Variants in SCUBE1 observed in about 807,000 individuals in gnomAD.
SCUBE1 encodes the protein signal peptide, CUB and EGF-like domain-containing protein 1.
A neutral mutation model predicts 124.4 loss-of-function variants in SCUBE1; 59 were observed. The ratio of observed to expected loss-of-function variants is 0.47; its 90% CI spans 0.38 to 0.59. SCUBE1 has a LOEUF of 0.59. SCUBE1 is among the 20% of genes least tolerant of loss of function. SCUBE1 has a pLI of 0.00. For synonymous variants in SCUBE1, 545 were observed against 550.9 expected (o/e 0.99, Z 0.15); for missense variants, 1,150 against 1,371.2 (o/e 0.84, Z 2.55).
At chr22:43,248,384 T>C (rs1009414786) in intron 6 of SCUBE1, among the ~76,000 whole-genome samples, 1 of 152,168 alleles carries the variant, frequency 6.6e-6, no homozygotes, top group African/African-American at 2.4e-5. Context: ...CCCTCGTCTT[T>C]TCTCTACTAA....
At position 43,211,303 on chromosome 22, in the gene SCUBE1, G is replaced by A. The variant is rs926227567; in HGVS notation, c.2222-220C>T. ...CACATGGCAGATTGATGTGATGTTGGCTCCAGCAAAACAGGGACCACACAG... is the reference window on the plus strand; with the variant it reads ...CACATGGCAGATTGATGTGATGTTGACTCCAGCAAAACAGGGACCACACAG... On this transcript the variant is annotated intron_variant, in intron 17 of 21. Transcript: ENST00000360835. This position sits in a 1 kb window ranked among gnomAD's most constrained non-coding sequence, Gnocchi z 4.5. Among the ~76,000 whole-genome samples, 2 of 152,288 alleles carry A rather than the reference G, an allele frequency of 1.3e-5. No homozygotes were observed. Among genetic ancestry groups the A allele is most frequent in the Non-Finnish European group, 2.9e-5 (2 of 68,024 alleles).
In SCUBE1 at chr22:43,255,893, C is replaced by A. The variant is rs548771727; in HGVS notation, c.727+2326G>T. Among the ~76,000 whole-genome samples the A allele has an allele frequency of 6.6e-6, 1 of 152,112 alleles. No individual in the cohort carries two copies. The highest frequency in any genetic ancestry group is 1.5e-5 in the Non-Finnish European group (1 of 68,020). ...AGAAGGAGGCTGAGGTCAGGGCAGA[C>A]GGGATTCGTCCGCAGAGAGCCACAG... On this transcript the variant is annotated intron_variant, in intron 6 of 21. Transcript: ENST00000360835. The surrounding 1 kb of genome is among the most constrained non-coding windows in gnomAD (Gnocchi z 4.7).
intron 7 of SCUBE1, among the ~76,000 whole-genome samples, chr22:43,235,283 C>T (rs945932363): frequency 3.3e-5 from 5 of 151,888 alleles, no homozygotes; most frequent in African/African-American, 9.7e-5. Context: ...GGGGGCAGGG[C>T]GATGGGGTGA....
rs764347638 is a variant in SCUBE1 at position 43,221,224 on chromosome 22, G to A, written c.1498C>T (p.Arg500Trp). The A allele has an allele frequency of 9.9e-6, 16 of 1,611,804 alleles. No homozygotes were observed. Among genetic ancestry groups the A allele is most frequent in the Middle Eastern group, 3.3e-4 (2 of 6,056 alleles). The change falls in exon 13 of 22, where the codon CGG becomes TGG. Residue 500 changes from arginine to tryptophan, a missense_variant. Physicochemically the swap from Arg to Trp is moderately radical, Grantham distance 101. This residue lies in a region of SCUBE1 where 757 missense variants were observed against 840.9 expected (regional missense o/e 0.90). Transcript: ENST00000360835. ...FKIRDAKCHLRPHSQARAKET... is the reference protein window; with the variant it reads ...FKIRDAKCHLWPHSQARAKET... ...TTTGCTCGTGCCTGGCTGTGGGGCC[G>A]GAGGTGGCACTTGGCATCTCGGATC...
intron 1 of SCUBE1, among the ~76,000 whole-genome samples, chr22:43,342,881 G>A (rs1927373137): frequency 6.6e-6 from 1 of 151,686 alleles, no homozygotes; most frequent in Admixed American, 6.6e-5. Context: ...TCCGCACGCG[G>A]GGTCCCCGGG....
intron 4 of SCUBE1, among the ~76,000 whole-genome samples, chr22:43,277,028 G>C (rs79223781): frequency 2.0e-5 from 3 of 152,152 alleles, no homozygotes; most frequent in African/African-American, 7.2e-5. Flanking sequence ...AGAAAGGCCC[G>C]GGAGCAGAGA....
At position 43,256,000 on chromosome 22, in the gene SCUBE1, A is replaced by C. The variant is rs1358657608; in HGVS notation, c.727+2219T>G. ...TGGCTCAGGCTGGAGAGGCAGGCAC[A>C]GGACAAGGCACAGGACAAGGGGACA... On this transcript the variant is annotated intron_variant, in intron 6 of 21. Coordinates refer to ENST00000360835, the MANE Select transcript of SCUBE1 (RefSeq NM_173050.5). The surrounding 1 kb of genome is among the most constrained non-coding windows in gnomAD (Gnocchi z 4.7). Among the ~76,000 whole-genome samples, 5 of 152,186 alleles carry C rather than the reference A, an allele frequency of 3.3e-5. No individual in the cohort carries two copies. Among genetic ancestry groups the C allele is most frequent in the Non-Finnish European group, 7.3e-5 (5 of 68,034 alleles).
chr22:43,228,106 G>A, intron 9 of SCUBE1, among the ~76,000 whole-genome samples: 1 of 152,200 alleles, frequency 6.6e-6, no homozygotes, highest in East Asian at 1.9e-4. Context: ...CCAAGCACCA[G>A]CTATGTCCTG....
At chr22:43,253,258 G>A (rs547602071) in intron 6 of SCUBE1, among the ~76,000 whole-genome samples, 4 of 152,210 alleles carry the variant, frequency 2.6e-5, no homozygotes, top group Admixed American at 6.5e-5. Flanking sequence ...TACCCCACAG[G>A]CTGTTCTTAG....
chr22:43,280,016 A>C (rs1364193098), intron 4 of SCUBE1, among the ~76,000 whole-genome samples: 1 of 152,214 alleles, frequency 6.6e-6, no homozygotes, highest in Non-Finnish European at 1.5e-5. Context: ...AAGTCCCTGC[A>C]ATTGATTACA....
At chr22:43,217,504 T>G (rs1282291797) in intron 15 of SCUBE1, among the ~76,000 whole-genome samples, 1 of 152,060 alleles carries the variant, frequency 6.6e-6, no homozygotes, top group Admixed American at 6.5e-5. Context: ...CTCCCCGTCC[T>G]TGCTCCGCCC....
chr22:43,250,985 G>A (rs1569506938), intron 6 of SCUBE1, among the ~76,000 whole-genome samples: 1 of 152,260 alleles, frequency 6.6e-6, no homozygotes, highest in Non-Finnish European at 1.5e-5. Flanking sequence ...CACTGGCTAT[G>A]TGGCCTCCCT....
intron 4 of SCUBE1, among the ~76,000 whole-genome samples, chr22:43,290,551 C>T (rs949807835): frequency 1.3e-5 from 2 of 152,390 alleles, no homozygotes; most frequent in East Asian, 3.9e-4. Flanking sequence ...CCCAGGCTGG[C>T]CTGCCACACT....
rs1348127741 is a variant in SCUBE1 at position 43,232,025 on chromosome 22, G to A, written c.845-150C>T. The A allele has an allele frequency of 9.4e-6, 8 of 849,678 alleles. No homozygotes were observed. In the Admixed American group the frequency reaches 1.1e-4, roughly 11 times the overall value. 52.6% of individuals were successfully genotyped at this position (849,678 alleles called of 1,614,324 possible). A position where few individuals can be genotyped will look rare whatever the true frequency, so the allele number is the denominator to read the frequency against. On this transcript the variant is annotated intron_variant, in intron 7 of 21. Transcript: ENST00000360835. The stretch of plus-strand genomic sequence containing the variant: ...AGCTGGCTGCTGGCTCCCCAGCTGT[G>A]CAGAGGGGTGGGGGCCCTGTCTCGC...
At chr22:43,260,373 C>T (rs1306358126) in intron 5 of SCUBE1, among the ~76,000 whole-genome samples, 2 of 152,170 alleles carry the variant, frequency 1.3e-5, no homozygotes, top group African/African-American at 2.4e-5. Context: ...TCTGGTGAGA[C>T]GGATAGAAGG....
intron 7 of SCUBE1, 162 bp downstream of exon 7, chr22:43,238,675 TC>T: frequency 1.4e-6 from 1 of 711,214 alleles, no homozygotes; most frequent in Non-Finnish European, 2.6e-6. Context: ...CCCTCCCTCT[TC>T]CTGGCCTCTC....
At chr22:43,320,132 G>A in intron 2 of SCUBE1, 67 bp from the exon 3 acceptor site, 1 of 1,591,892 alleles carries the variant, frequency 6.3e-7, no homozygotes, top group Non-Finnish European at 8.6e-7. Context: ...CAACACCATG[G>A]AAGCCACCGG....
intron 4 of SCUBE1, among the ~76,000 whole-genome samples, chr22:43,288,084 T>C (rs1483430893): frequency 6.6e-6 from 1 of 152,174 alleles, no homozygotes; most frequent in Non-Finnish European, 1.5e-5. Flanking sequence ...ACTGATTTCA[T>C]TGCCCAGATC....
chr22:43,294,207 C>T (rs766164270), intron 3 of SCUBE1, among the ~76,000 whole-genome samples: 2 of 152,242 alleles, frequency 1.3e-5, no homozygotes, highest in Non-Finnish European at 2.9e-5. Flanking sequence ...CACCCCCGGC[C>T]CCCGAGGAGG....
Sources: gnomAD v4.1 joint callset for allele counts (sites outside exome capture counted in the v4.1 genomes callset) on GRCh38, gnomAD v4.1.1 for gene constraint, gnomAD v4.1.1 regional missense constraint, Gnocchi (gnomAD v3.1) non-coding constraint, MANE v1.5 for transcripts, NCBI Gene and HGNC (gene_info 2026-07-23, HGNC 2026-07-21) for gene names.